Variants in ABCB1 observed in about 807,000 individuals in gnomAD.
ABCB1 encodes the protein ATP-dependent translocase ABCB1.
A neutral mutation model predicts 142.0 loss-of-function variants in ABCB1; 69 were observed. The observed-to-expected ratio is 0.49, with a 90% CI of 0.40 to 0.59. The LOEUF is 0.59. ABCB1 is among the 20% of genes least tolerant of loss of function. The pLI, the probability that ABCB1 is intolerant of heterozygous loss-of-function variation, is 0.00. For missense variants in ABCB1, 1,326 were observed against 1,554.7 expected (o/e 0.85, Z 2.47); for synonymous variants, 532 against 539.2 (o/e 0.99, Z 0.18).
At chr7:87,582,193 G>A (rs1007043786) in intron 4 of ABCB1, among the ~76,000 whole-genome samples, 2 of 152,168 alleles carry the variant, frequency 1.3e-5, no homozygotes, top group Non-Finnish European at 2.9e-5. Flanking sequence ...GGCAGTGAGG[G>A]AAGGATATTA....
chr7:87,671,307 G>A (rs1029761446), intron 1 of ABCB1, among the ~76,000 whole-genome samples: 5 of 152,152 alleles, frequency 3.3e-5, no homozygotes, highest in East Asian at 1.9e-4. Flanking sequence ...CCACTGCAGC[G>A]GCAGTCTCAG....
rs140158725 is a variant in ABCB1, at chr7:87,555,559, A to G, written c.828-1627T>C. On this transcript the variant is annotated intron_variant, in intron 8 of 27. Coordinates refer to ENST00000622132, the MANE Select transcript of ABCB1 (RefSeq NM_001348946.2). ...CAAAAGCATGCCAAGTGAAATTTAC[A>G]TCACTACCGTGTTCACTAAAGATGA... Among the ~76,000 whole-genome samples the G allele has an allele frequency of 1.7e-3, 260 of 152,330 alleles. 1 individual carries two copies. Among genetic ancestry groups the G allele is most frequent in the African/African-American group, 5.9e-3 (246 of 41,566 alleles).
intron 7 of ABCB1, 75 bp from the exon 8 acceptor site, chr7:87,561,462 T>C (rs1584881909): frequency 1.1e-5 from 16 of 1,420,352 alleles, no homozygotes; most frequent in South Asian, 4.9e-5. Flanking sequence ...AATAAATGTA[T>C]ACATAAATGC....
intron 7 of ABCB1, chr7:87,563,305 C>A: frequency 2.3e-6 from 1 of 431,234 alleles, no homozygotes; most frequent in Non-Finnish European, 4.7e-6. Context: ...CCTCTCTGAC[C>A]CATTCTATGA....
chr7:87,618,474 A>G (rs902210280), intron 1 of ABCB1, among the ~76,000 whole-genome samples: 1 of 152,212 alleles, frequency 6.6e-6, no homozygotes, highest in Non-Finnish European at 1.5e-5. Flanking sequence ...CTTTGAATTT[A>G]GCTGTATCCA....
intron 21 of ABCB1, chr7:87,521,167 C>G (rs146129895): frequency 4.8e-6 from 2 of 418,664 alleles, no homozygotes; most frequent in South Asian, 2.5e-5. Flanking sequence ...CAAAATTAAC[C>G]AGAGAACTCA....
intron 25 of ABCB1, among the ~76,000 whole-genome samples, chr7:87,513,007 C>G (rs763698002): frequency 6.6e-6 from 1 of 152,176 alleles, no homozygotes. Flanking sequence ...TCAGGGTCTA[C>G]GAGGGAGATG....
rs10677971 is a variant in ABCB1 at position 87,626,759 on chromosome 7, A to ATG, written c.-330-25683_-330-25682dup. On this transcript the variant is annotated intron_variant, in intron 1 of 28. Coordinates refer to the ABCB1 transcript ENST00000265724. The stretch of plus-strand genomic sequence containing the variant: ...TATGTGTCATATATATGTCATATAT[A>ATG]TGTCATATATATGTCAGAGAGAGAG... Among the ~76,000 whole-genome samples, 263 of 47,484 alleles carry ATG rather than the reference A, an allele frequency of 5.5e-3. 31 individuals are homozygous for ATG. Among genetic ancestry groups the ATG allele is most frequent in the South Asian group, 0.018 (10 of 556 alleles). The allele number at this position is 47,484 out of a possible 152,430, so 31.2% of individuals were successfully genotyped here.
intron 7 of ABCB1, among the ~76,000 whole-genome samples, chr7:87,563,545 C>T (rs1817661169): frequency 6.6e-6 from 1 of 152,146 alleles, no homozygotes; most frequent in Admixed American, 6.5e-5. Context: ...ATCACATAAA[C>T]AAAAGCACTT....
intron 1 of ABCB1, among the ~76,000 whole-genome samples, chr7:87,698,070 G>A (rs1186451903): frequency 6.6e-6 from 1 of 152,172 alleles, no homozygotes; most frequent in Non-Finnish European, 1.5e-5. Flanking sequence ...ATTTCTATTT[G>A]TAAGTAGCAA....
chr7:87,618,242 A>G (rs992129223), intron 1 of ABCB1, among the ~76,000 whole-genome samples: 1 of 152,142 alleles, frequency 6.6e-6, no homozygotes, highest in Non-Finnish European at 1.5e-5. Context: ...ATAAATATGT[A>G]TATGTTGATT....
intron 1 of ABCB1, among the ~76,000 whole-genome samples, chr7:87,703,098 A>T (rs1829238476): frequency 6.6e-6 from 1 of 152,340 alleles, no homozygotes; most frequent in East Asian, 1.9e-4. Flanking sequence ...AAGATTGAAA[A>T]TTGATATTTA....
In ABCB1 at chr7:87,528,799, G is replaced by A. The variant is rs80351204; in HGVS notation, c.2685+2495C>T. The stretch of plus-strand genomic sequence containing the variant: ...CGAAGTATCATGAATTAATTCAGGT[G>A]TCAGGAATGGCCTCTCTGAAGAGGT... On this transcript the variant is annotated intron_variant, in intron 21 of 27. Transcript: ENST00000622132. Among the ~76,000 whole-genome samples the A allele has an allele frequency of 7.0e-3, 1,062 of 152,316 alleles. 2 individuals are homozygous for A. The highest frequency in any genetic ancestry group is 0.011 in the Non-Finnish European group (717 of 68,016).
intron 1 of ABCB1, among the ~76,000 whole-genome samples, chr7:87,614,096 A>T (rs755070750): frequency 3.9e-5 from 6 of 152,052 alleles, no homozygotes; most frequent in Non-Finnish European, 7.4e-5. Context: ...TCTACTATAA[A>T]CCAAAATAAT....
At chr7:87,704,819 G>C (rs1829445081) in intron 1 of ABCB1, among the ~76,000 whole-genome samples, 1 of 152,206 alleles carries the variant, frequency 6.6e-6, no homozygotes, top group Non-Finnish European at 1.5e-5. Flanking sequence ...GCAATGAAAA[G>C]AGCAGTTTAC....
chr7:87,673,087 G>C (rs964953401), intron 1 of ABCB1, among the ~76,000 whole-genome samples: 2 of 152,176 alleles, frequency 1.3e-5, no homozygotes, highest in Admixed American at 1.3e-4. Context: ...AAGGTTTGCT[G>C]TTTGCCTGAT....
At chr7:87,683,109 A>G (rs1329590798) in intron 1 of ABCB1, among the ~76,000 whole-genome samples, 3 of 152,130 alleles carry the variant, frequency 2.0e-5, no homozygotes, top group South Asian at 4.1e-4. Context: ...TTCATGAACC[A>G]ACCTCTGCTA....
At chr7:87,594,151 AATCT>A (rs1224283589) in intron 3 of ABCB1, among the ~76,000 whole-genome samples, 2 of 152,206 alleles carry the variant, frequency 1.3e-5, no homozygotes, top group African/African-American at 4.8e-5. Flanking sequence ...ATGTGAGGAA[AATCT>A]ATCTAAGTAG....
chr7:87,547,742 T>C (rs1421641751), intron 14 of ABCB1, among the ~76,000 whole-genome samples: 1 of 149,104 alleles, frequency 6.7e-6, no homozygotes, highest in Non-Finnish European at 1.5e-5. Context: ...TGGCGGTGCA[T>C]GCCTGTAATC....
Sources: allele counts gnomAD v4.1 joint callset (sites outside exome capture counted in the v4.1 genomes callset), GRCh38; gene constraint gnomAD v4.1.1; transcripts MANE v1.5; gene names NCBI Gene and HGNC (gene_info 2026-07-23, HGNC 2026-07-21).